Variants in GFM2 observed in about 807,000 individuals in gnomAD.
The protein encoded by GFM2 is ribosome-releasing factor 2, mitochondrial.
Under a neutral mutation model 95.4 loss-of-function variants are expected in GFM2, and 72 were observed. The ratio of observed to expected loss-of-function variants is 0.76; its 90% CI spans 0.62 to 0.92. The LOEUF is 0.92. GFM2 is among the 40% of genes least tolerant of loss of function. GFM2 has a pLI of 0.00. For synonymous variants in GFM2, 276 were observed against 317.5 expected (o/e 0.87, Z 1.39); for missense variants, 825 against 924.1 (o/e 0.89, Z 1.39).
Position 74,721,619 on chromosome 5 carries a change from A to AAAAATT in GFM2, c.*35_*36insAATTTT. On this transcript the variant is annotated 3_prime_UTR_variant, in exon 21 of 21. Coordinates refer to ENST00000296805, the MANE Select transcript of GFM2 (RefSeq NM_032380.5). ...TGTTCTTACTGAAAATGAAGTAGCT[A>AAAAATT]GGTGCTCCTGAATTTCTCTCCAAAA... 1.3e-6 allele frequency: 2 copies of AAAAATT among 1,599,770 alleles called. No individual in the cohort carries two copies. The highest frequency in any genetic ancestry group is 1.7e-6 in the Non-Finnish European group (2 of 1,173,264).
At chr5:74,725,588 C>G in intron 19 of GFM2, 52 bp downstream of exon 19, 1 of 1,208,524 alleles carries the variant, frequency 8.3e-7, no homozygotes, top group Middle Eastern at 1.9e-4. Flanking sequence ...ATCAGTGGTA[C>G]TATACTCAGA....
intron 17 of GFM2, among the ~76,000 whole-genome samples, chr5:74,726,806 A>G (rs1387170544): frequency 6.6e-6 from 1 of 152,216 alleles, no homozygotes; most frequent in African/African-American, 2.4e-5. Context: ...TAAGAATTAT[A>G]GTCTATAATT....
intron 17 of GFM2, among the ~76,000 whole-genome samples, chr5:74,728,770 T>TTTTTTTTTGG (rs756604027): frequency 2.6e-5 from 3 of 113,794 alleles, no homozygotes; most frequent in African/African-American, 8.2e-5. Context: ...TTTTTTTTTT[T>TTTTTTTTTGG]TTTTGAGATG....
Position 74,725,649 on chromosome 5 carries a change from G to C in GFM2, c.2019C>G (p.Cys673Trp), listed in dbSNP as rs138756897. The part of the protein sequence containing the change: ...TTMISACVSR[C>W]VQKALKKADK... ...TAGGATAGTTCTATACCTTTTGCAC[G>C]CATCTTGAGACACAGGCAGAAATCA... The change falls in exon 19 of 21, where the codon TGC becomes TGG. Residue 673 changes from cysteine to tryptophan, a missense_variant. Coordinates refer to ENST00000296805, the MANE Select transcript of GFM2 (RefSeq NM_032380.5). 2 of 1,607,866 alleles carry C rather than the reference G, an allele frequency of 1.2e-6. No individual in the cohort carries two copies. The highest frequency in any genetic ancestry group is 8.5e-7 in the Non-Finnish European group (1 of 1,174,582).
rs1264873539 is a variant in GFM2, at chr5:74,756,676, TAC to T, written c.304+2171_304+2172del. Among the ~76,000 whole-genome samples, 5 of 151,646 alleles carry T rather than the reference TAC, an allele frequency of 3.3e-5. No homozygotes were observed. The East Asian group carries it at 9.7e-4, about 29-fold the overall frequency. Reference sequence around the variant, plus strand: ...TGTAAAGTGTGTGTGTATATATATATACACACACATATACACACCATGGAATA... The same window carrying T: ...TGTAAAGTGTGTGTGTATATATATATACACACATATACACACCATGGAATA... On this transcript the variant is annotated intron_variant, in intron 5 of 20. Coordinates refer to ENST00000296805, the MANE Select transcript of GFM2 (RefSeq NM_032380.5).
chr5:74,739,449 T>A (rs535402535), intron 12 of GFM2, among the ~76,000 whole-genome samples: 1 of 152,310 alleles, frequency 6.6e-6, no homozygotes, highest in Admixed American at 6.5e-5. Flanking sequence ...ACAAAGCCTG[T>A]GCTCTTCACC....
chr5:74,764,104 T>C (rs760113453), intron 1 of GFM2, among the ~76,000 whole-genome samples: 1 of 152,192 alleles, frequency 6.6e-6, no homozygotes, highest in African/African-American at 2.4e-5. Flanking sequence ...GAATTAAGCA[T>C]AAAAAGCTAA....
chr5:74,722,399 C>G lies in GFM2; in HGVS notation c.2191G>C (p.Val731Leu). 6.2e-7 allele frequency: 1 copy of G among 1,613,666 alleles called. No homozygotes were observed. The highest frequency in any genetic ancestry group is 1.7e-4 in the Middle Eastern group (1 of 6,060). ...RQDNKVVIGFVPLAEIMGYST... is the reference protein window; with the variant it reads ...RQDNKVVIGFLPLAEIMGYST... ...CCTACCATAATTTCTGCTAAGGGAA[C>G]AAATCCAATAACAACTTTGTTGTCC... The change falls in exon 20 of 21, where the codon GTT becomes CTT. Residue 731 changes from valine to leucine, a missense_variant. Transcript: ENST00000296805.
chr5:74,746,209 T>C, intron 8 of GFM2, 44 bp from the exon 9 acceptor site: 1 of 1,145,726 alleles, frequency 8.7e-7, no homozygotes, highest in Non-Finnish European at 1.2e-6. Context: ...TGGTTAAAAA[T>C]TCTTTACCAA....
At chr5:74,763,538 C>G (rs1368845955) in intron 2 of GFM2, 142 bp downstream of exon 2, 1 of 481,580 alleles carries the variant, frequency 2.1e-6, no homozygotes, top group African/African-American at 1.9e-5. Context: ...TAATTACTTT[C>G]AAATTAGTTT....
At position 74,759,514 on chromosome 5, in the gene GFM2, C is replaced by G. The variant is rs571058230; in HGVS notation, c.149-88G>C. On this transcript the variant is annotated intron_variant, in intron 3 of 20. Transcript: ENST00000296805. The stretch of plus-strand genomic sequence containing the variant: ...TGAAAGACTTTAAAATAACTTTAAG[C>G]AAATACTGTAAGTCCAAATAAAGTA... The G allele has an allele frequency of 2.1e-4, 147 of 692,044 alleles. No homozygotes were observed. In the African/African-American group the frequency reaches 2.5e-3, roughly 12 times the overall value. 42.9% of individuals were successfully genotyped at this position (692,044 alleles called of 1,614,324 possible).
In GFM2 at chr5:74,763,802, C is replaced by T. The variant is rs570778069; in HGVS notation, c.-24-36G>A. On this transcript the variant is annotated intron_variant, in intron 1 of 20. Coordinates refer to ENST00000296805, the MANE Select transcript of GFM2 (RefSeq NM_032380.5). Reference sequence around the variant, plus strand: ...AAATATACAAAATCAAAAAACTAAACTTATGTATTACATGTCAGCAAGGCA... The same window carrying T: ...AAATATACAAAATCAAAAAACTAAATTTATGTATTACATGTCAGCAAGGCA... The T allele has an allele frequency of 2.5e-4, 318 of 1,257,412 alleles. 1 individual carries two copies. In the African/African-American group the frequency reaches 4.1e-3, roughly 16 times the overall value. The allele number at this position is 1,257,412 out of a possible 1,614,324, so 77.9% of individuals were successfully genotyped here. A position where few individuals can be genotyped will look rare whatever the true frequency, so the allele number is the denominator to read the frequency against.
intron 7 of GFM2, 143 bp downstream of exon 7, chr5:74,750,436 A>G (rs963302960): frequency 1.5e-5 from 8 of 550,762 alleles, no homozygotes; most frequent in Middle Eastern, 3.2e-4. Context: ...TTACATCTCA[A>G]TATAAATTCT....
chr5:74,755,350 T>C (rs563462227), intron 5 of GFM2, among the ~76,000 whole-genome samples: 106 of 152,144 alleles, frequency 7.0e-4, no homozygotes, highest in South Asian at 1.9e-3. Context: ...CTCAAAATCA[T>C]GCAAATACAT....
chr5:74,736,276 A>C, intron 15 of GFM2: 1 of 628,068 alleles, frequency 1.6e-6, no homozygotes, highest in Non-Finnish European at 2.0e-6. Context: ...ATACCACACT[A>C]AAGAGTTTGG....
chr5:74,751,390 T>A lies in GFM2; in HGVS notation c.408A>T (p.Arg136Ser), dbSNP rs1375362419. ...AAVTFDWKGYRVNLIDTPGHV... is the reference protein window; with the variant it reads ...AAVTFDWKGYSVNLIDTPGHV... Reference sequence around the variant, plus strand: ...TACCTGGTGTATCAATTAGATTGACTCTATAACCTTTCCAATCAAATGTAA... The same window carrying A: ...TACCTGGTGTATCAATTAGATTGACACTATAACCTTTCCAATCAAATGTAA... Residue 136 changes from arginine (R) to serine (S), a missense_variant, in exon 6 of 21, where the codon AGA (arginine) becomes AGT (serine). Physicochemically the swap from Arg to Ser is moderately radical, Grantham distance 110. Coordinates refer to ENST00000296805, the MANE Select transcript of GFM2 (RefSeq NM_032380.5). The A allele has an allele frequency of 1.9e-6, 3 of 1,613,086 alleles. No homozygotes were observed. Among genetic ancestry groups the A allele is most frequent in the Admixed American group, 3.3e-5 (2 of 60,010 alleles).
intron 10 of GFM2, 42 bp downstream of exon 10, chr5:74,745,636 G>A: frequency 6.7e-7 from 1 of 1,489,938 alleles, no homozygotes; most frequent in Non-Finnish European, 9.2e-7. Context: ...AAGATAAGTG[G>A]TGCACACATT....
intron 1 of GFM2, among the ~76,000 whole-genome samples, chr5:74,765,493 T>A (rs1212183524): frequency 2.6e-5 from 4 of 152,130 alleles, no homozygotes; most frequent in South Asian, 2.1e-4. Context: ...AGTAAAGAGA[T>A]CAAGGAAGGC....
intron 7 of GFM2, among the ~76,000 whole-genome samples, chr5:74,748,602 C>T (rs535879945): frequency 1.4e-4 from 21 of 152,268 alleles, no homozygotes; most frequent in East Asian, 7.7e-4. Context: ...CGGTGGCTCA[C>T]GCCTGTAATC....
Sources: gnomAD v4.1 joint callset for allele counts (sites outside exome capture counted in the v4.1 genomes callset) on GRCh38, gnomAD v4.1.1 for gene constraint, MANE v1.5 for transcripts, NCBI Gene and HGNC (gene_info 2026-07-23, HGNC 2026-07-21) for gene names.